The following ZNF565 variants were observed in gnomAD, a reference collection of about 807,000 sequenced individuals.
ZNF565 encodes the protein zinc finger protein 565.
ZNF565 carries 27 observed loss-of-function variants against 39.4 expected under a neutral mutation model. That is an observed-to-expected ratio of 0.69 (90% CI 0.51 to 0.95). The LOEUF (loss-of-function observed/expected upper bound fraction) is 0.95, where lower values mean the gene tolerates loss of function less well. Among genes scored for constraint, ZNF565 ranks in the 40% least tolerant of loss-of-function variants. The probability of loss-of-function intolerance (pLI) is 0.00; values close to 1 mark genes in which losing one functional copy is unlikely to be tolerated. For missense variants in ZNF565, 524 were observed against 621.1 expected (o/e 0.84, Z 1.66); for synonymous variants, 185 against 216.6 (o/e 0.85, Z 1.28).
chr19:36,207,053 C>T (rs1218435730), intron 1 of ZNF565, among the ~76,000 whole-genome samples: 1 of 152,074 alleles, frequency 6.6e-6, no homozygotes, highest in East Asian at 1.9e-4. Flanking sequence ...AAGGCAGGAG[C>T]AGGCTTTCCT....
At chr19:36,184,546 T>C (rs1235705991) in intron 4 of ZNF565, among the ~76,000 whole-genome samples, 1 of 151,800 alleles carries the variant, frequency 6.6e-6, no homozygotes. Flanking sequence ...ATTACAGGCG[T>C]GAGCCACCTC....
chr19:36,241,610 T>C (rs1007654928), intron 1 of ZNF565, among the ~76,000 whole-genome samples: 19 of 151,414 alleles, frequency 1.3e-4, no homozygotes, highest in Middle Eastern at 3.4e-3. Flanking sequence ...CTGGCCAACA[T>C]GGTGAAACCC....
intron 4 of ZNF565, among the ~76,000 whole-genome samples, chr19:36,186,259 A>T (rs1363580176): frequency 6.6e-6 from 1 of 152,176 alleles, no homozygotes; most frequent in African/African-American, 2.4e-5. Flanking sequence ...TTGGCTTCTA[A>T]AAGTATTGGG....
upstream of ZNF565, among the ~76,000 whole-genome samples, chr19:36,219,285 C>T (rs1026715577): frequency 6.6e-6 from 1 of 152,126 alleles, no homozygotes; most frequent in African/African-American, 2.4e-5. Context: ...GCCCCACCCC[C>T]GCAGTGGTTG....
intron 1 of ZNF565, chr19:36,236,497 G>A: frequency 1.2e-6 from 2 of 1,614,066 alleles, no homozygotes; most frequent in East Asian, 2.2e-5. Flanking sequence ...TTGCCTGTAA[G>A]GTATGTGGAA....
At chr19:36,188,777 A>G (rs988700415) in intron 4 of ZNF565, among the ~76,000 whole-genome samples, 2 of 152,172 alleles carry the variant, frequency 1.3e-5, no homozygotes, top group Non-Finnish European at 2.9e-5. Context: ...CAAAGTGTGT[A>G]TATAATATGT....
intron 1 of ZNF565, among the ~76,000 whole-genome samples, chr19:36,232,305 T>C (rs968818429): frequency 6.6e-6 from 1 of 152,182 alleles, no homozygotes; most frequent in Non-Finnish European, 1.5e-5. Flanking sequence ...ATTCTACTTA[T>C]GTAGGTACTA....
In ZNF565 at chr19:36,187,016, C is replaced by A. The variant is rs183650136; in HGVS notation, c.233-3283G>T. ...GATCAGCCTGACCAACATGGAGAAA[C>A]CCTGTCTCTATTAAAAATACAAAAT... On this transcript the variant is annotated intron_variant, in intron 4 of 4. Transcript: ENST00000304116. 1.2e-4 allele frequency among the ~76,000 whole-genome samples: 19 copies of A among 152,026 alleles called. No homozygotes were observed. In the East Asian group the frequency reaches 3.7e-3, roughly 30 times the overall value.
In ZNF565 at chr19:36,238,170, G is replaced by T. The variant is rs1482332426; in HGVS notation, c.55+7306C>A. The T allele has an allele frequency of 3.6e-5, 6 of 167,086 alleles. No individual in the cohort carries two copies. The East Asian group carries it at 1.2e-3, about 32-fold the overall frequency. 10.4% of individuals were successfully genotyped at this position (167,086 alleles called of 1,614,324 possible). On this transcript the variant is annotated intron_variant, in intron 1 of 4. Coordinates refer to the ZNF565 transcript ENST00000355114. ...AAAATGCAACAAATGAAATCCACAT[G>T]TATTAACAGAAAGATCCCAGAATTG...
At chr19:36,201,511 G>A (rs1194263808) in intron 2 of ZNF565, among the ~76,000 whole-genome samples, 2 of 152,024 alleles carry the variant, frequency 1.3e-5, no homozygotes, top group African/African-American at 4.8e-5. Flanking sequence ...GTCTCGCTCT[G>A]TCTCCCAGGG....
downstream of ZNF565, chr19:36,182,175 T>G: frequency 3.4e-6 from 1 of 295,894 alleles, no homozygotes. Flanking sequence ...ATCGGGTCAT[T>G]TTTGTATTAG....
At chr19:36,212,380 G>A (rs1461022625) in intron 1 of ZNF565, among the ~76,000 whole-genome samples, 6 of 152,154 alleles carry the variant, frequency 3.9e-5, no homozygotes. Context: ...GGGATGCTGA[G>A]GGAGGAGGAT....
chr19:36,236,439 A>G, intron 1 of ZNF565: 1 of 1,591,766 alleles, frequency 6.3e-7, no homozygotes, highest in Non-Finnish European at 8.5e-7. Flanking sequence ...GCTTCCATTC[A>G]GATGTCACAC....
At chr19:36,192,875 G>A (rs1388640768) in intron 4 of ZNF565, among the ~76,000 whole-genome samples, 2 of 151,932 alleles carry the variant, frequency 1.3e-5, no homozygotes, top group Non-Finnish European at 2.9e-5. Flanking sequence ...GGAGTGCAAT[G>A]GCATGATCTC....
At chr19:36,193,504 G>A (rs1244063196) in intron 4 of ZNF565, among the ~76,000 whole-genome samples, 6 of 145,584 alleles carry the variant, frequency 4.1e-5, no homozygotes, top group Admixed American at 1.4e-4. Flanking sequence ...GCAGTGGCGC[G>A]ATCTCGGCTC....
intron 2 of ZNF565, among the ~76,000 whole-genome samples, chr19:36,201,712 C>T (rs1488658175): frequency 1.3e-5 from 2 of 151,984 alleles, no homozygotes; most frequent in African/African-American, 4.8e-5. Flanking sequence ...TGGCCTCAAG[C>T]AATCGGCCCA....
At chr19:36,223,130 C>G (rs1343686461) in intron 1 of ZNF565, among the ~76,000 whole-genome samples, 1 of 151,526 alleles carries the variant, frequency 6.6e-6, no homozygotes, top group Non-Finnish European at 1.5e-5. Flanking sequence ...ATTTTCAAAA[C>G]TTTTGGCTGG....
upstream of ZNF565, among the ~76,000 whole-genome samples, chr19:36,219,366 T>C (rs975887299): frequency 1.3e-5 from 2 of 152,172 alleles, no homozygotes; most frequent in South Asian, 2.1e-4. Context: ...AGTCTTACTA[T>C]GTTGCCCAGG....
At chr19:36,199,649 G>C (rs1975885247) in intron 2 of ZNF565, among the ~76,000 whole-genome samples, 1 of 151,830 alleles carries the variant, frequency 6.6e-6, no homozygotes, top group Non-Finnish European at 1.5e-5. Context: ...TGGGACTACA[G>C]GTGGCATGCC....
Sources: allele counts gnomAD v4.1 joint callset (sites outside exome capture counted in the v4.1 genomes callset), GRCh38; gene constraint gnomAD v4.1.1; transcripts MANE v1.5; gene names NCBI Gene and HGNC (gene_info 2026-07-23, HGNC 2026-07-21).